Variants in CFAP20DC observed in about 807,000 individuals in gnomAD.
CFAP20DC encodes CFAP20 domain containing, also known as protein CFAP20DC.
In CFAP20DC, 84 loss-of-function variants were observed where a neutral mutation model predicts 101.7. The observed-to-expected ratio is 0.83, with a 90% CI of 0.69 to 0.99. The LOEUF is 0.99. Among genes scored for constraint, CFAP20DC ranks in the 50% least tolerant of loss-of-function variants. CFAP20DC has a pLI of 0.00. For missense variants in CFAP20DC, 1,007 were observed against 970.3 expected, an observed-to-expected ratio of 1.04 and a Z score of -0.50; for synonymous variants, 359 against 351.2, an observed-to-expected ratio of 1.02 and a Z score of -0.25.
chr3:58,723,777 ATAATGCAAGT>A (rs1299785583), intron 3 of CFAP20DC, among the ~76,000 whole-genome samples: 1 of 152,248 alleles, frequency 6.6e-6, no homozygotes, highest in South Asian at 2.1e-4. Flanking sequence ...AGAGGATTAA[ATAATGCAAGT>A]AATGCCTGGC....
rs534188801 is a variant in CFAP20DC, at chr3:58,893,283, A to G, written c.551-8574T>C. 1.1e-4 allele frequency among the ~76,000 whole-genome samples: 16 copies of G among 152,268 alleles called. No individual in the cohort carries two copies. In the South Asian group the frequency reaches 2.7e-3, roughly 26 times the overall value. ...ATGGTCTCGATCTCCTGACCTCGCA[A>G]TCTGCCTGTCTTGGCCTCCCAAAGT... is the stretch of plus-strand genomic sequence containing the variant. On this transcript the variant is annotated intron_variant, in intron 6 of 16. Transcript: ENST00000482387.
At chr3:58,976,303 G>A (rs983156350) in intron 4 of CFAP20DC, among the ~76,000 whole-genome samples, 3 of 152,194 alleles carry the variant, frequency 2.0e-5, no homozygotes, top group African/African-American at 7.2e-5. Context: ...TGGGGAAATA[G>A]CAGAGGAGGA....
chr3:58,801,078 TGA>T (rs1366614282), intron 15 of CFAP20DC, among the ~76,000 whole-genome samples: 2 of 130,414 alleles, frequency 1.5e-5, no homozygotes, highest in African/African-American at 6.6e-5. Flanking sequence ...AGAGAGAAAG[TGA>T]GAGAGAGTAA....
chr3:58,818,660 A>G, intron 14 of CFAP20DC, among the ~76,000 whole-genome samples: 2 of 138,130 alleles, frequency 1.4e-5, no homozygotes, highest in African/African-American at 5.6e-5. Flanking sequence ...AGTGACCTAC[A>G]AAGAGACTTA....
At chr3:58,980,023 C>T (rs947465478) in intron 4 of CFAP20DC, among the ~76,000 whole-genome samples, 1 of 152,164 alleles carries the variant, frequency 6.6e-6, no homozygotes, top group African/African-American at 2.4e-5. Context: ...TCGGACATCA[C>T]TGAGGAAGTA....
At chr3:59,030,010 G>C (rs192181924) in intron 4 of CFAP20DC, among the ~76,000 whole-genome samples, 26 of 152,316 alleles carry the variant, frequency 1.7e-4, no homozygotes, top group Admixed American at 1.6e-3. Context: ...GGGAGACATA[G>C]AAAGATGCTG....
At chr3:59,027,652 T>C (rs1258077083) in intron 4 of CFAP20DC, among the ~76,000 whole-genome samples, 1 of 152,124 alleles carries the variant, frequency 6.6e-6, no homozygotes, top group Non-Finnish European at 1.5e-5. Context: ...GTCAAAAATA[T>C]AATATCCCAA....
chr3:58,831,647 G>C (rs1277296882), intron 14 of CFAP20DC, 39 bp downstream of exon 14: 1 of 1,578,860 alleles, frequency 6.3e-7, no homozygotes, highest in Admixed American at 1.7e-5. Flanking sequence ...CTTGCTCCTT[G>C]TTAAGCAATG....
chr3:59,006,048 TA>T lies in CFAP20DC; in HGVS notation c.278+33508del, dbSNP rs2093425535. On this transcript the variant is annotated intron_variant, in intron 4 of 16. Transcript: ENST00000482387. This position sits in a 1 kb window ranked among gnomAD's most constrained non-coding sequence, Gnocchi z 4.3. ...ATTACTCCTCAATGAAAAGTACTTT[TA>T]AATATCCCTACATTTATATGTGTTT... 6.6e-6 allele frequency among the ~76,000 whole-genome samples: 1 copy of T among 152,280 alleles called. No individual in the cohort carries two copies. Among genetic ancestry groups the T allele is most frequent in the East Asian group, 1.9e-4 (1 of 5,190 alleles).
chr3:58,841,907 T>C (rs2077143733), intron 13 of CFAP20DC, among the ~76,000 whole-genome samples: 1 of 152,224 alleles, frequency 6.6e-6, no homozygotes. Flanking sequence ...CATAATGACA[T>C]TTGCCAGTTT....
intron 5 of CFAP20DC, among the ~76,000 whole-genome samples, chr3:58,915,241 G>A (rs879355436): frequency 2.0e-5 from 3 of 152,130 alleles, no homozygotes; most frequent in Non-Finnish European, 4.4e-5. Context: ...ACGAAGTGAG[G>A]AGGGCTGGCT....
intron 4 of CFAP20DC, among the ~76,000 whole-genome samples, chr3:58,999,569 G>A (rs1333955640): frequency 6.6e-6 from 1 of 152,146 alleles, no homozygotes; most frequent in Non-Finnish European, 1.5e-5. Flanking sequence ...TGGAGTTATA[G>A]ATCTTGCACA....
At chr3:58,806,708 TAGTGGGTGCAGGAC>T (rs2074092025) in intron 14 of CFAP20DC, among the ~76,000 whole-genome samples, 2 of 152,176 alleles carry the variant, frequency 1.3e-5, no homozygotes, top group South Asian at 4.2e-4. Context: ...GAGTGCCAGA[TAGTGGGTGCAGGAC>T]AGTGGGTGCA....
intron 13 of CFAP20DC, among the ~76,000 whole-genome samples, chr3:58,841,030 G>A (rs1431811090): frequency 2.6e-5 from 4 of 152,200 alleles, no homozygotes; most frequent in Non-Finnish European, 5.9e-5. Flanking sequence ...TTGACAGAGG[G>A]TTCTGTTTGG....
intron 13 of CFAP20DC, 133 bp from the exon 14 acceptor site, chr3:58,832,022 C>A (rs1022289542): frequency 5.8e-6 from 4 of 694,122 alleles, no homozygotes; most frequent in African/African-American, 1.8e-5. Context: ...TGCCTCCATG[C>A]GCTACCTGCC....
chr3:58,755,748 C>T (rs150843978), intron 15 of CFAP20DC, among the ~76,000 whole-genome samples: 105 of 152,234 alleles, frequency 6.9e-4, no homozygotes, highest in African/African-American at 2.5e-3. Flanking sequence ...ATATCCTTCA[C>T]CCAGTTTCCC....
In CFAP20DC at chr3:58,747,456, T is replaced by C. The variant is rs118151416; in HGVS notation, c.2333-4884A>G. On this transcript the variant is annotated intron_variant, in intron 16 of 16. Coordinates refer to ENST00000482387, the MANE Select transcript of CFAP20DC (RefSeq NM_001394063.1). ...ATAGAAAACCTACACACCCAAGATG[T>C]CTCTTCAAGCTTGAAAATAAATGAT... Among the ~76,000 whole-genome samples, 134 of 152,306 alleles carry C rather than the reference T, an allele frequency of 8.8e-4. No homozygotes were observed. The East Asian group carries it at 0.017, about 20-fold the overall frequency.
intron 4 of CFAP20DC, among the ~76,000 whole-genome samples, chr3:58,983,712 T>C (rs2092660980): frequency 6.6e-6 from 1 of 152,206 alleles, no homozygotes; most frequent in Admixed American, 6.5e-5. Flanking sequence ...TACCTATATA[T>C]GGCTTAATCT....
At chr3:58,794,245 C>T (rs1193047559) in intron 15 of CFAP20DC, 1 of 430,640 alleles carries the variant, frequency 2.3e-6, no homozygotes, top group East Asian at 7.2e-5. Context: ...TTTCCCATGC[C>T]TACACCAAAC....
Sources: allele counts gnomAD v4.1 joint callset (sites outside exome capture counted in the v4.1 genomes callset), GRCh38; gene constraint gnomAD v4.1.1; non-coding constraint Gnocchi (gnomAD v3.1); transcripts MANE v1.5; gene names NCBI Gene and HGNC (gene_info 2026-07-23, HGNC 2026-07-21).